GATA4: variants seen among roughly 807,000 people sequenced by gnomAD.
GATA4 encodes the protein transcription factor GATA-4.
In GATA4, 7 loss-of-function variants were observed where a neutral mutation model predicts 37.9. That is an observed-to-expected ratio of 0.18 (90% CI 0.11 to 0.35). The LOEUF (loss-of-function observed/expected upper bound fraction) is 0.35. GATA4 is among the 10% of genes least tolerant of loss of function. The probability of loss-of-function intolerance (pLI) is 1.00; values close to 1 mark genes in which losing one functional copy is unlikely to be tolerated. For synonymous variants in GATA4, 372 were observed against 292.6 expected, an observed-to-expected ratio of 1.27 and a Z score of -2.77; for missense variants, 647 against 653.0, an observed-to-expected ratio of 0.99 and a Z score of 0.10.
rs1376894123 is a variant in GATA4, at chr8:11,708,980, C to G, written c.616+52C>G. Reference sequence around the variant, plus strand: ...GCGTGAGGGCCGGGGCAGGGGCCGTCTTGAGCCCTGTCGAGGGCCTCTTGT... The same window carrying G: ...GCGTGAGGGCCGGGGCAGGGGCCGTGTTGAGCCCTGTCGAGGGCCTCTTGT... On this transcript the variant is annotated intron_variant, in intron 2 of 6. Coordinates refer to ENST00000532059, the MANE Select transcript of GATA4 (RefSeq NM_001308093.3). The surrounding 1 kb of genome is among the most constrained non-coding windows in gnomAD (Gnocchi z 6.7). 1 of 1,492,890 alleles carries G rather than the reference C, an allele frequency of 6.7e-7. No individual in the cohort carries two copies. Among genetic ancestry groups the G allele is most frequent in the East Asian group, 2.5e-5 (1 of 39,266 alleles). The allele number at this position is 1,492,890 out of a possible 1,614,324, so 92.5% of individuals were successfully genotyped here. A position where few individuals can be genotyped will look rare whatever the true frequency, so the allele number is the denominator to read the frequency against.
chr8:11,687,615 C>T (rs1417454642), intron 1 of GATA4, among the ~76,000 whole-genome samples: 1 of 152,180 alleles, frequency 6.6e-6, no homozygotes, highest in Non-Finnish European at 1.5e-5. Context: ...GATGAGAAAA[C>T]TGAGATTCAG....
At chr8:11,726,887 A>G (rs574643365) in intron 2 of GATA4, among the ~76,000 whole-genome samples, 24 of 151,986 alleles carry the variant, frequency 1.6e-4, no homozygotes, top group Non-Finnish European at 2.9e-4. Flanking sequence ...ATGACTCACA[A>G]TCTTTCCCTG....
rs751626930 is a variant in GATA4 at position 11,750,252 on chromosome 8, G to A, written c.912+16G>A. The A allele has an allele frequency of 1.1e-5, 18 of 1,611,182 alleles. No individual in the cohort carries two copies. In the South Asian group the frequency reaches 1.6e-4, roughly 15 times the overall value. ...GCTCCACGGGGTACGTGGGTCCTGC[G>A]CCCATGCGGCATCCTTGCCTTCTGA... On this transcript the variant is annotated intron_variant, in intron 4 of 6. Coordinates refer to ENST00000532059, the MANE Select transcript of GATA4 (RefSeq NM_001308093.3).
At chr8:11,688,628 T>G (rs1799216959), upstream of GATA4, among the ~76,000 whole-genome samples, 1 of 152,106 alleles carries the variant, frequency 6.6e-6, no homozygotes, top group Non-Finnish European at 1.5e-5. Flanking sequence ...GGGGAGTGTG[T>G]GCATGGGGAC....
intron 1 of GATA4, chr8:11,698,020 C>T (rs572815279): frequency 1.0e-6 from 1 of 985,304 alleles, no homozygotes; most frequent in East Asian, 1.1e-4. Flanking sequence ...AAGAGGAGCC[C>T]TGGACTCTGG....
chr8:11,757,736 C>T (rs1289351385), intron 6 of GATA4, among the ~76,000 whole-genome samples: 1 of 152,208 alleles, frequency 6.6e-6, no homozygotes, highest in African/African-American at 2.4e-5. Context: ...TGGCGGAGGA[C>T]GATGGCGTCT....
At position 11,679,531 on chromosome 8, in the gene GATA4, G is replaced by T. The variant is rs531377893; in HGVS notation, c.-274+2468G>T. ...CTCAGGCTGGCGGCGGAATGAAAAG[G>T]AACCCCGACTGCTGGGGTCCGAGCC... On this transcript the variant is annotated intron_variant, in intron 1 of 6. Transcript: ENST00000528712. Among the ~76,000 whole-genome samples, 4 of 152,376 alleles carry T rather than the reference G, an allele frequency of 2.6e-5. No individual in the cohort carries two copies. In the South Asian group the frequency reaches 8.3e-4, roughly 32 times the overall value.
At chr8:11,719,204 CT>C (rs59334847) in intron 2 of GATA4, among the ~76,000 whole-genome samples, 1,911 of 142,354 alleles carry the variant, frequency 0.013, 24 homozygotes, top group African/African-American at 0.041. Flanking sequence ...TGGGGGAGTC[CT>C]TTTTTTTTTT....
At chr8:11,698,752 C>G (rs1799581634) in intron 1 of GATA4, among the ~76,000 whole-genome samples, 1 of 152,172 alleles carries the variant, frequency 6.6e-6, no homozygotes, top group Non-Finnish European at 1.5e-5. Context: ...TTCCCAAATC[C>G]TGGCTGTGCA....
At chr8:11,750,770 TAAA>T (rs1195090785) in intron 4 of GATA4, among the ~76,000 whole-genome samples, 28,968 of 88,422 alleles carry the variant, frequency 0.33, 4,764 homozygotes, top group East Asian at 0.57. Flanking sequence ...TTGTCTCTAC[TAAA>T]AAAAAAAAAA....
At chr8:11,754,368 C>T (rs541781149) in intron 4 of GATA4, among the ~76,000 whole-genome samples, 4 of 152,150 alleles carry the variant, frequency 2.6e-5, no homozygotes, top group Non-Finnish European at 5.9e-5. Flanking sequence ...AGGCATGCAG[C>T]ACCGTGCCCA....
chr8:11,748,694 C>T (rs971085201), intron 2 of GATA4, among the ~76,000 whole-genome samples: 1 of 152,144 alleles, frequency 6.6e-6, no homozygotes, highest in Non-Finnish European at 1.5e-5. Context: ...GTGATCACTG[C>T]AACTTTTTCC....
At chr8:11,684,399 A>G (rs775416102) in intron 1 of GATA4, among the ~76,000 whole-genome samples, 1 of 152,234 alleles carries the variant, frequency 6.6e-6, no homozygotes, top group Non-Finnish European at 1.5e-5. Context: ...TCAAAAGTTG[A>G]AAATGACATC....
At chr8:11,734,884 CAT>C (rs775484311) in intron 2 of GATA4, among the ~76,000 whole-genome samples, 4 of 152,216 alleles carry the variant, frequency 2.6e-5, no homozygotes, top group Non-Finnish European at 5.9e-5. Flanking sequence ...AATACCATCA[CAT>C]GTGGGTTAGG....
At chr8:11,700,211 C>G (rs1463185390), upstream of GATA4, among the ~76,000 whole-genome samples, 1 of 152,230 alleles carries the variant, frequency 6.6e-6, no homozygotes, top group Non-Finnish European at 1.5e-5. Context: ...GCCAGAAACT[C>G]TGGTCCTCAG....
At position 11,709,248 on chromosome 8, in the gene GATA4, G is replaced by T. The variant is rs944494372; in HGVS notation, c.616+320G>T. Among the ~76,000 whole-genome samples, 1 of 152,198 alleles carries T rather than the reference G, an allele frequency of 6.6e-6. No individual in the cohort carries two copies. Among genetic ancestry groups the T allele is most frequent in the Middle Eastern group, 3.2e-3 (1 of 316 alleles). ...GCTGTGGGTGACGCGGGAGGACAGCGGGCTCCCTGGAGAGCCGGGGGCAGC... is the reference window on the plus strand; with the variant it reads ...GCTGTGGGTGACGCGGGAGGACAGCTGGCTCCCTGGAGAGCCGGGGGCAGC... On this transcript the variant is annotated intron_variant, in intron 2 of 6. Coordinates refer to ENST00000532059, the MANE Select transcript of GATA4 (RefSeq NM_001308093.3). This position sits in a 1 kb window ranked among gnomAD's most constrained non-coding sequence, Gnocchi z 4.3.
chr8:11,721,103 G>A lies in GATA4; in HGVS notation c.616+12175G>A, dbSNP rs548848985. On this transcript the variant is annotated intron_variant, in intron 2 of 6. Transcript: ENST00000532059. ...TAGAGCTTGCTAGGGGAGGGAACAC[G>A]TGGATGTGCACTCTTAGGGGCAGGG... Among the ~76,000 whole-genome samples the A allele has an allele frequency of 2.2e-3, 330 of 151,944 alleles. 2 individuals are homozygous for A. The highest frequency in any genetic ancestry group is 3.2e-3 in the Non-Finnish European group (217 of 67,952).
At chr8:11,738,353 G>A (rs1801560354) in intron 2 of GATA4, among the ~76,000 whole-genome samples, 1 of 151,784 alleles carries the variant, frequency 6.6e-6, no homozygotes, top group Admixed American at 6.6e-5. Flanking sequence ...TCCTAAAAAT[G>A]TTCATTCTGT....
chr8:11,730,961 G>A (rs143652055), intron 2 of GATA4, among the ~76,000 whole-genome samples: 18 of 152,346 alleles, frequency 1.2e-4, no homozygotes, highest in Admixed American at 1.0e-3. Context: ...GGTGCAGCCC[G>A]CGTGCCTGGA....
Sources: allele counts gnomAD v4.1 joint callset (sites outside exome capture counted in the v4.1 genomes callset), GRCh38; gene constraint gnomAD v4.1.1; non-coding constraint Gnocchi (gnomAD v3.1); transcripts MANE v1.5; gene names NCBI Gene and HGNC (gene_info 2026-07-23, HGNC 2026-07-21).